CCNH: variants seen among roughly 807,000 people sequenced by gnomAD.
CCNH encodes the protein cyclin H.
A neutral mutation model predicts 41.9 loss-of-function variants in CCNH; 31 were observed. The observed-to-expected ratio is 0.74, with a 90% CI of 0.56 to 1.00. The LOEUF (loss-of-function observed/expected upper bound fraction) is 1.00. CCNH is among the 50% of genes least tolerant of loss of function. The probability of loss-of-function intolerance (pLI) is 0.00; values close to 1 mark genes in which losing one functional copy is unlikely to be tolerated. For synonymous variants in CCNH, 138 were observed against 136.1 expected (o/e 1.01, Z -0.10); for missense variants, 362 against 388.4 (o/e 0.93, Z 0.57).
intron 9 of CCNH, among the ~76,000 whole-genome samples, chr5:87,329,287 A>T (rs2112359996): frequency 6.6e-6 from 1 of 151,880 alleles, no homozygotes; most frequent in East Asian, 1.9e-4. Flanking sequence ...TCTCCAAAAA[A>T]AAAAAAAAGC....
intron 9 of CCNH, chr5:87,385,199 G>A: frequency 1.3e-6 from 1 of 783,898 alleles, no homozygotes; most frequent in Non-Finnish European, 2.3e-6. Flanking sequence ...AGAATGGGTA[G>A]TAGTTTAACA....
At chr5:87,386,514 T>TG (rs552589044), downstream of CCNH, among the ~76,000 whole-genome samples, 102 of 152,204 alleles carry the variant, frequency 6.7e-4, no homozygotes, top group South Asian at 0.01. Flanking sequence ...TGCCAGGCTA[T>TG]GTGTTACGAT....
At chr5:87,312,594 C>T in the CCNH span, among the ~76,000 whole-genome samples, 1 of 152,170 alleles carries the variant, frequency 6.6e-6, no homozygotes, top group Non-Finnish European at 1.5e-5. Flanking sequence ...GCTGGGTCTC[C>T]TCTTTCTGGG....
chr5:87,381,083 A>C (rs1761681020), upstream of CCNH, among the ~76,000 whole-genome samples: 3 of 152,118 alleles, frequency 2.0e-5, no homozygotes, highest in South Asian at 2.1e-4. Flanking sequence ...CAAATCATGG[A>C]ATTTGGGAGC....
At chr5:87,389,470 T>C (rs779084243), downstream of CCNH, 24 of 1,614,218 alleles carry the variant, frequency 1.5e-5, no homozygotes, top group South Asian at 2.2e-5. Context: ...TGCATGAGAT[T>C]TGCGTGGCTC....
downstream of CCNH, chr5:87,392,630 A>T (rs1289801792): frequency 8.3e-6 from 2 of 240,220 alleles, no homozygotes; most frequent in African/African-American, 4.6e-5. Context: ...ATCACACCTC[A>T]ATCTTTAGCC....
intron 3 of CCNH, among the ~76,000 whole-genome samples, chr5:87,408,547 A>C (rs1763974677): frequency 6.6e-6 from 1 of 152,176 alleles, no homozygotes. Flanking sequence ...ATAAAGCAGT[A>C]CCCACATATG....
Position 87,407,984 on chromosome 5 carries a change from C to T in CCNH, c.517G>A (p.Asp173Asn), listed in dbSNP as rs770037305. The change falls in exon 4 of 9, where the codon GAC (aspartate) becomes AAC (asparagine). Residue 173 changes from aspartate to asparagine, a missense_variant. Transcript: ENST00000256897. ...PYRPFEGFLIDLKTRYPILEN... is the reference protein window; with the variant it reads ...PYRPFEGFLINLKTRYPILEN... ...TTTTACATCAAGTTTACCTTTAAGT[C>T]GATGAGGAAGCCCTCAAATGGTCTG... 56 of 1,607,576 alleles carry T rather than the reference C, an allele frequency of 3.5e-5. No homozygotes were observed. The highest frequency in any genetic ancestry group is 4.3e-5 in the Non-Finnish European group (51 of 1,174,306).
chr5:87,404,880 A>G lies in CCNH; in HGVS notation c.653T>C (p.Leu218Ser). ...AATTCCAGCCCTGGAGGCACTAGAT[A>G]AAATGGCAGTCAGGGCAATTTGGGA... ...TPSQIALTAI[L>S]SSASRAGITM... The change falls in exon 5 of 9, where the codon TTA becomes TCA. Residue 218 changes from leucine (L) to serine (S), a missense_variant. Coordinates refer to ENST00000256897, the MANE Select transcript of CCNH (RefSeq NM_001239.4). The G allele has an allele frequency of 6.2e-7, 1 of 1,613,620 alleles. No homozygotes were observed. The highest frequency in any genetic ancestry group is 8.5e-7 in the Non-Finnish European group (1 of 1,179,716).
intron 9 of CCNH, among the ~76,000 whole-genome samples, chr5:87,386,034 C>G (rs138526861): frequency 1.3e-5 from 2 of 151,992 alleles, no homozygotes; most frequent in African/African-American, 4.8e-5. Flanking sequence ...CTATGTGTTA[C>G]AAGATTTCCT....
chr5:87,404,756 G>T, intron 5 of CCNH, 88 bp downstream of exon 5: 3 of 1,052,316 alleles, frequency 2.9e-6, no homozygotes, highest in South Asian at 1.9e-5. Flanking sequence ...CAGCCACAAA[G>T]AATATTAAAG....
upstream of CCNH, among the ~76,000 whole-genome samples, chr5:87,378,758 C>A (rs189398739): frequency 6.6e-6 from 1 of 152,022 alleles, no homozygotes; most frequent in South Asian, 2.1e-4. Context: ...CAAGTTGCAC[C>A]AGAAATTCAT....
At chr5:87,371,982 A>G, downstream of CCNH, 1 of 635,912 alleles carries the variant, frequency 1.6e-6, no homozygotes. Flanking sequence ...GTTATGAAGT[A>G]CAGTATAGTC....
upstream of CCNH, among the ~76,000 whole-genome samples, chr5:87,379,009 A>G (rs968090312): frequency 1.2e-4 from 19 of 152,166 alleles, no homozygotes; most frequent in Non-Finnish European, 2.6e-4. Context: ...ATAATACACT[A>G]TTAAGACAGT....
chr5:87,378,431 G>A (rs1360937887), upstream of CCNH: 3 of 1,613,048 alleles, frequency 1.9e-6, no homozygotes, highest in Non-Finnish European at 2.5e-6. Flanking sequence ...CACAACACTT[G>A]CAAGCACCTT....
intron 9 of CCNH, among the ~76,000 whole-genome samples, chr5:87,344,722 C>G (rs1050991732): frequency 2.1e-4 from 30 of 141,810 alleles, no homozygotes; most frequent in African/African-American, 7.9e-4. Flanking sequence ...TCTTACTATG[C>G]TGCCCAGACT....
intron 5 of CCNH, 22 bp from the exon 6 acceptor site, chr5:87,401,794 A>T: frequency 7.0e-7 from 1 of 1,421,166 alleles, no homozygotes; most frequent in East Asian, 2.3e-5. Flanking sequence ...AAGAAAAAAA[A>T]ATCTATTGAA....
At position 87,409,310 on chromosome 5, in the gene CCNH, T is replaced by C. The variant is rs146868495; in HGVS notation, c.294A>G (p.Glu98=). 61 of 1,572,006 alleles carry C rather than the reference T, an allele frequency of 3.9e-5. No individual in the cohort carries two copies. The Admixed American group carries it at 8.0e-4, about 21-fold the overall frequency. Residue 98 remains glutamate, a synonymous_variant, in exon 3 of 9, where the codon GAA becomes GAG. Transcript: ENST00000256897. ...KRFYLNNSVM[E]YHPRIIMLTC... is the part of the protein sequence containing the mutation. ...CTCACATTATTATCCTGGGGTGATA[T>C]TCCATTACTGAGTTATTAAGATAAA... is the stretch of plus-strand genomic sequence containing the variant.
At chr5:87,341,083 A>G (rs887627885) in intron 9 of CCNH, among the ~76,000 whole-genome samples, 8 of 152,090 alleles carry the variant, frequency 5.3e-5, no homozygotes, top group African/African-American at 1.2e-4. Flanking sequence ...AGAAAAGTCG[A>G]TAAGAGGGCC....
Sources: gnomAD v4.1 joint callset for allele counts (sites outside exome capture counted in the v4.1 genomes callset) on GRCh38, gnomAD v4.1.1 for gene constraint, MANE v1.5 for transcripts, NCBI Gene and HGNC (gene_info 2026-07-23, HGNC 2026-07-21) for gene names.